UEVLD: variants seen among roughly 807,000 people sequenced by gnomAD.
UEVLD encodes UEV and lactate/malate dehyrogenase domains.
UEVLD carries 47 observed loss-of-function variants against 58.6 expected under a neutral mutation model. The ratio of observed to expected loss-of-function variants is 0.80; its 90% CI spans 0.63 to 1.02. The LOEUF (loss-of-function observed/expected upper bound fraction) is 1.02, where lower values mean the gene tolerates loss of function less well. Among genes scored for constraint, UEVLD ranks in the 50% least tolerant of loss-of-function variants. The probability of loss-of-function intolerance (pLI) is 0.00; values close to 1 mark genes in which losing one functional copy is unlikely to be tolerated. For synonymous variants in UEVLD, 197 were observed against 195.3 expected (o/e 1.01, Z -0.07); for missense variants, 510 against 550.6 (o/e 0.93, Z 0.74).
chr11:18,583,004 C>A (rs1853326197), intron 1 of UEVLD, among the ~76,000 whole-genome samples: 1 of 151,990 alleles, frequency 6.6e-6, no homozygotes, highest in African/African-American at 2.4e-5. Flanking sequence ...CTCACTGTAA[C>A]CTCCATTTCC....
At chr11:18,561,580 G>A (rs149012571) in intron 6 of UEVLD, among the ~76,000 whole-genome samples, 2 of 152,234 alleles carry the variant, frequency 1.3e-5, no homozygotes, top group East Asian at 1.9e-4. Context: ...GGTGGCTCAC[G>A]CCTGTAATCC....
intron 1 of UEVLD, among the ~76,000 whole-genome samples, chr11:18,581,815 G>C (rs1326171699): frequency 6.6e-6 from 1 of 152,196 alleles, no homozygotes; most frequent in African/African-American, 2.4e-5. Context: ...GCTCTTCACA[G>C]TACTTAGTAC....
At chr11:18,533,764 G>T (rs959020573) in intron 11 of UEVLD, among the ~76,000 whole-genome samples, 2 of 152,126 alleles carry the variant, frequency 1.3e-5, no homozygotes, top group Non-Finnish European at 2.9e-5. Flanking sequence ...GGTGCTCACT[G>T]CAACCTCCGC....
At chr11:18,579,433 G>C in intron 1 of UEVLD, 1 of 985,314 alleles carries the variant, frequency 1.0e-6, no homozygotes, top group Non-Finnish European at 1.2e-6. Context: ...AATACCTCCA[G>C]ACAGCTTAAA....
intron 2 of UEVLD, among the ~76,000 whole-genome samples, chr11:18,577,160 GCAAA>G (rs1294100177): frequency 1.3e-5 from 2 of 152,130 alleles, no homozygotes; most frequent in Non-Finnish European, 2.9e-5. Context: ...TGCAGCCTGG[GCAAA>G]CAGACAGTGA....
At chr11:18,555,821 T>A in intron 7 of UEVLD, among the ~76,000 whole-genome samples, 1 of 151,942 alleles carries the variant, frequency 6.6e-6, no homozygotes, top group East Asian at 1.9e-4. Context: ...TGGTGGCACA[T>A]GCCTGTAGTC....
intron 7 of UEVLD, among the ~76,000 whole-genome samples, chr11:18,547,837 A>T (rs12577346): frequency 6.6e-6 from 1 of 151,842 alleles, no homozygotes; most frequent in African/African-American, 2.4e-5. Context: ...TCCAAGCAGA[A>T]TAGTGGTGCT....
chr11:18,532,495 G>A lies in UEVLD; in HGVS notation c.1249-8C>T, dbSNP rs1258614639. On this transcript the variant is annotated splice_polypyrimidine_tract_variant and splice_region_variant and intron_variant, in intron 11 of 11. Coordinates refer to ENST00000396197, the MANE Select transcript of UEVLD (RefSeq NM_001040697.4). ...ATTTATATCATAATATCCCTGAAAT[G>A]AGAAAAATAGGGATTTAATAGAACT... The A allele has an allele frequency of 2.5e-6, 4 of 1,577,854 alleles. No individual in the cohort carries two copies. The highest frequency in any genetic ancestry group is 4.5e-5 in the East Asian group (2 of 44,054).
rs568187702 is a variant in UEVLD at position 18,588,708 on chromosome 11, C to T, written c.-54G>A. ...GGACTCCAGCCCCCGGACCTTCTTCCGGACTTGCTGCAGGACGGAAGCCGC... is the reference window on the plus strand; with the variant it reads ...GGACTCCAGCCCCCGGACCTTCTTCTGGACTTGCTGCAGGACGGAAGCCGC... On this transcript the variant is annotated 5_prime_UTR_variant, in exon 1 of 12. Coordinates refer to ENST00000396197, the MANE Select transcript of UEVLD (RefSeq NM_001040697.4). 22 of 1,586,808 alleles carry T rather than the reference C, an allele frequency of 1.4e-5. No individual in the cohort carries two copies. The highest frequency in any genetic ancestry group is 5.6e-5 in the South Asian group (5 of 89,058).
chr11:18,543,844 T>C (rs935874212), intron 9 of UEVLD, among the ~76,000 whole-genome samples: 1 of 151,920 alleles, frequency 6.6e-6, no homozygotes, highest in Non-Finnish European at 1.5e-5. Context: ...ATGCCTTCTG[T>C]GGGAAAGAGC....
intron 7 of UEVLD, among the ~76,000 whole-genome samples, chr11:18,557,508 T>C (rs1851804068): frequency 6.6e-6 from 1 of 151,902 alleles, no homozygotes; most frequent in African/African-American, 2.4e-5. Context: ...ATTTTAACAA[T>C]ATATTTTTAG....
chr11:18,537,620 T>C (rs973870591), intron 9 of UEVLD, among the ~76,000 whole-genome samples: 13 of 151,960 alleles, frequency 8.6e-5, no homozygotes, highest in Admixed American at 7.2e-4. Context: ...TGTGAGCCAC[T>C]GCGCCTGGCC....
intron 1 of UEVLD, among the ~76,000 whole-genome samples, chr11:18,581,846 T>C (rs1691607700): frequency 6.6e-6 from 1 of 152,166 alleles, no homozygotes; most frequent in South Asian, 2.1e-4. Context: ...TTTGATAGAA[T>C]TATGTTTTTT....
rs112188431 is a variant in UEVLD at position 18,565,067 on chromosome 11, A to C, written c.494-57T>G. ...CAAAAATATCAAGAATTTTTTTAGG[A>C]TCTTTAAAAAAAATATATAGCAGGC... On this transcript the variant is annotated intron_variant, in intron 5 of 11. Coordinates refer to ENST00000396197, the MANE Select transcript of UEVLD (RefSeq NM_001040697.4). The C allele has an allele frequency of 1.8e-5, 24 of 1,327,814 alleles. 1 individual carries two copies. The highest frequency in any genetic ancestry group is 7.3e-5 in the African/African-American group (5 of 68,128). 82.3% of individuals were successfully genotyped at this position (1,327,814 alleles called of 1,614,324 possible).
intron 9 of UEVLD, among the ~76,000 whole-genome samples, chr11:18,539,749 G>C (rs555851427): frequency 6.6e-6 from 1 of 152,190 alleles, no homozygotes; most frequent in Non-Finnish European, 1.5e-5. Context: ...AAGTTAAGGA[G>C]GCATGAGAGT....
intron 7 of UEVLD, among the ~76,000 whole-genome samples, chr11:18,550,636 C>A (rs1851484549): frequency 6.6e-6 from 1 of 152,164 alleles, no homozygotes; most frequent in Non-Finnish European, 1.5e-5. Context: ...CTGTCTCCAC[C>A]CAACTTCGAG....
intron 1 of UEVLD, among the ~76,000 whole-genome samples, chr11:18,586,166 A>AT (rs1268723884): frequency 1.3e-5 from 2 of 151,962 alleles, no homozygotes; most frequent in African/African-American, 4.8e-5. Flanking sequence ...TTCTCCATCG[A>AT]TTTTTTCTGC....
intron 1 of UEVLD, among the ~76,000 whole-genome samples, chr11:18,583,657 CTTTTTTTT>C (rs35384688): frequency 8.5e-6 from 1 of 117,286 alleles, no homozygotes; most frequent in African/African-American, 3.4e-5. Context: ...TCCAGTATTA[CTTTTTTTT>C]TTTTTTTTTT....
intron 11 of UEVLD, among the ~76,000 whole-genome samples, chr11:18,533,377 TA>T (rs766063552): frequency 0.042 from 5,588 of 132,592 alleles, 218 homozygotes; most frequent in African/African-American, 0.12. Context: ...AGATCAACTT[TA>T]AAAAAAAAAA....
Sources: gnomAD v4.1 joint callset for allele counts (sites outside exome capture counted in the v4.1 genomes callset) on GRCh38, gnomAD v4.1.1 for gene constraint, MANE v1.5 for transcripts, NCBI Gene and HGNC (gene_info 2026-07-23, HGNC 2026-07-21) for gene names.